PDE10A: variants seen among roughly 807,000 people sequenced by gnomAD.
PDE10A encodes phosphodiesterase 10A.
Under a neutral mutation model 97.7 loss-of-function variants are expected in PDE10A, and 39 were observed. The ratio of observed to expected loss-of-function variants is 0.40; its 90% CI spans 0.31 to 0.52. The LOEUF is 0.52. Among genes scored for constraint, PDE10A ranks in the 20% least tolerant of loss-of-function variants. The pLI, the probability that PDE10A is intolerant of heterozygous loss-of-function variation, is 0.56. For synonymous variants in PDE10A, 371 were observed against 376.8 expected (o/e 0.98, Z 0.18); for missense variants, 731 against 1,047.8 (o/e 0.70, Z 4.17).
At chr6:165,547,340 C>A (rs192095947) in intron 1 of PDE10A, among the ~76,000 whole-genome samples, 1 of 152,138 alleles carries the variant, frequency 6.6e-6, no homozygotes, top group South Asian at 2.1e-4. Flanking sequence ...GAGAAGCACA[C>A]GGGTATTGAT....
At chr6:165,564,318 G>A (rs954882507) in intron 1 of PDE10A, among the ~76,000 whole-genome samples, 1 of 152,124 alleles carries the variant, frequency 6.6e-6, no homozygotes, top group Non-Finnish European at 1.5e-5. Context: ...GGCACCCAAG[G>A]CTCTCTAGTC....
rs190939649 is a variant in PDE10A at position 165,574,791 on chromosome 6, G to C, written c.866-31223C>G. Among the ~76,000 whole-genome samples, 7 of 152,188 alleles carry C rather than the reference G, an allele frequency of 4.6e-5. No homozygotes were observed. In the East Asian group the frequency reaches 1.2e-3, roughly 25 times the overall value. On this transcript the variant is annotated intron_variant, in intron 1 of 21. Coordinates refer to ENST00000539869, the MANE Select transcript of PDE10A (RefSeq NM_001385079.1). ...CATAAACTGTCATACTGGTCATACA[G>C]CTAATAAAACAATAGATTTCTGATA...
rs1427626151 is a variant in PDE10A, at chr6:165,351,161, T to G, written c.2784-7659A>C. 0.033 allele frequency among the ~76,000 whole-genome samples: 3 copies of G among 90 alleles called. No individual in the cohort carries two copies. The East Asian group carries it at 0.38, about 11-fold the overall frequency. 0.1% of individuals were successfully genotyped at this position (90 alleles called of 152,430 possible). A position where few individuals can be genotyped will look rare whatever the true frequency, so the allele number is the denominator to read the frequency against. ...TCTGCATTTGAAACACACATGACAA[T>G]GACTTTATACACAATTGGGCTTTGG... On this transcript the variant is annotated intron_variant, in intron 18 of 21. Coordinates refer to ENST00000539869, the MANE Select transcript of PDE10A (RefSeq NM_001385079.1).
chr6:165,580,860 C>G (rs9356377), intron 1 of PDE10A, among the ~76,000 whole-genome samples: 15,453 of 149,862 alleles, frequency 0.1, 1,353 homozygotes, highest in African/African-American at 0.24. Flanking sequence ...AGTCTCCTAC[C>G]CGATGAGAAG....
chr6:165,395,815 A>T (rs1301342574), intron 14 of PDE10A, among the ~76,000 whole-genome samples: 1 of 152,206 alleles, frequency 6.6e-6, no homozygotes, highest in Non-Finnish European at 1.5e-5. Flanking sequence ...AAGGTTTCCT[A>T]TGTAGATAGT....
intron 1 of PDE10A, among the ~76,000 whole-genome samples, chr6:165,878,749 A>G (rs576409568): frequency 6.6e-6 from 1 of 152,340 alleles, no homozygotes; most frequent in Non-Finnish European, 1.5e-5. Context: ...GTGGGCCCTT[A>G]TAAGAAGGGT....
chr6:165,343,843 T>C lies in PDE10A; in HGVS notation c.2784-341A>G, dbSNP rs116055256. ...GCTATGGATCAGGCTTTCATTTTCA[T>C]TGAATTTTGGAAATTTAGAGTGGGA... On this transcript the variant is annotated intron_variant, in intron 18 of 21. Transcript: ENST00000539869. 2.9e-3 allele frequency among the ~76,000 whole-genome samples: 446 copies of C among 152,324 alleles called. 2 individuals carry two copies. The highest frequency in any genetic ancestry group is 1.0e-2 in the African/African-American group (414 of 41,564).
chr6:165,510,495 T>C (rs1276570746), intron 2 of PDE10A, among the ~76,000 whole-genome samples: 1 of 152,048 alleles, frequency 6.6e-6, no homozygotes, highest in Non-Finnish European at 1.5e-5. Flanking sequence ...TGTAGTTTTC[T>C]TGTTTTGCTG....
rs1789928367 is a variant in PDE10A at position 165,655,876 on chromosome 6, T to TGC, written c.865+6069_865+6070dup. On this transcript the variant is annotated intron_variant, in intron 1 of 21. Coordinates refer to ENST00000539869, the MANE Select transcript of PDE10A (RefSeq NM_001385079.1). This position sits in a 1 kb window ranked among gnomAD's most constrained non-coding sequence, Gnocchi z 4.5. ...CAGCACGGCCGTCACCCCGCTCCTC[T>TGC]GCCTTGTGAGCCCCCTCTGCCTAGG... Among the ~76,000 whole-genome samples the TGC allele has an allele frequency of 6.6e-6, 1 of 152,072 alleles. No individual in the cohort carries two copies. Among genetic ancestry groups the TGC allele is most frequent in the Admixed American group, 6.5e-5 (1 of 15,270 alleles).
At chr6:165,397,702 CAAAAAAAAAAAA>C (rs71026686) in intron 13 of PDE10A, among the ~76,000 whole-genome samples, 1 of 88,392 alleles carries the variant, frequency 1.1e-5, no homozygotes, top group Admixed American at 1.3e-4. Context: ...AACTCCATCT[CAAAAAAAAAAAA>C]AAAAAAAAAG....
intron 1 of PDE10A, among the ~76,000 whole-genome samples, chr6:165,929,413 G>A (rs536173665): frequency 2.6e-5 from 4 of 152,272 alleles, no homozygotes; most frequent in African/African-American, 7.2e-5. Context: ...TCTTGCCCCA[G>A]CATTCTGGAC....
At chr6:165,372,926 A>G (rs9459398) in intron 18 of PDE10A, among the ~76,000 whole-genome samples, 67,312 of 148,344 alleles carry the variant, frequency 0.45, 15,815 homozygotes, top group African/African-American at 0.61. Context: ...ATAACGCTGC[A>G]TATCTACAAC....
chr6:165,800,767 T>A (rs1778962355), intron 1 of PDE10A, among the ~76,000 whole-genome samples: 1 of 152,230 alleles, frequency 6.6e-6, no homozygotes, highest in African/African-American at 2.4e-5. Context: ...CGCTAGAGCA[T>A]GGAAATGGTT....
intron 1 of PDE10A, among the ~76,000 whole-genome samples, chr6:165,977,474 C>G (rs558675314): frequency 2.6e-5 from 4 of 152,280 alleles, no homozygotes; most frequent in Admixed American, 6.5e-5. Context: ...GAACAAGCAC[C>G]AAATTCAACA....
chr6:165,682,548 A>G (rs985732628), intron 1 of PDE10A, among the ~76,000 whole-genome samples: 3 of 152,170 alleles, frequency 2.0e-5, no homozygotes, highest in African/African-American at 7.2e-5. Flanking sequence ...TAGTGCCTTC[A>G]TAAAGAGACG....
chr6:165,437,028 TTC>T (rs1197799167), intron 5 of PDE10A, among the ~76,000 whole-genome samples: 5 of 151,566 alleles, frequency 3.3e-5, no homozygotes, highest in African/African-American at 1.2e-4. Context: ...ACTGTCCCTT[TTC>T]TGTACCAAAG....
intron 2 of PDE10A, among the ~76,000 whole-genome samples, chr6:165,542,670 G>C (rs1278409520): frequency 1.0e-4 from 14 of 136,612 alleles, no homozygotes; most frequent in South Asian, 2.6e-4. Context: ...CCAGGCTGGA[G>C]TGCAGTGGCG....
At chr6:165,764,120 T>G (rs1333063172) in intron 1 of PDE10A, among the ~76,000 whole-genome samples, 2 of 152,216 alleles carry the variant, frequency 1.3e-5, no homozygotes, top group Non-Finnish European at 2.9e-5. Flanking sequence ...GCTCCACTCC[T>G]GGTAACAGCA....
At chr6:165,494,360 C>T (rs1274529853) in intron 2 of PDE10A, among the ~76,000 whole-genome samples, 2 of 151,552 alleles carry the variant, frequency 1.3e-5, no homozygotes, top group Non-Finnish European at 2.9e-5. Context: ...AAAAAAGATA[C>T]TTGCACATGC....
Sources: allele counts gnomAD v4.1 joint callset (sites outside exome capture counted in the v4.1 genomes callset), GRCh38; gene constraint gnomAD v4.1.1; non-coding constraint Gnocchi (gnomAD v3.1); transcripts MANE v1.5; gene names NCBI Gene and HGNC (gene_info 2026-07-23, HGNC 2026-07-21).